The following RASAL2 variants were observed in gnomAD, a reference collection of about 807,000 sequenced individuals.
RASAL2 encodes RAS protein activator like 2.
In RASAL2, 58 loss-of-function variants were observed where a neutral mutation model predicts 128.9. That is an observed-to-expected ratio of 0.45 (90% CI 0.36 to 0.56). The LOEUF (loss-of-function observed/expected upper bound fraction) is 0.56. Among genes scored for constraint, RASAL2 ranks in the 20% least tolerant of loss-of-function variants. The pLI is 0.00. For synonymous variants in RASAL2, 561 were observed against 580.8 expected, an observed-to-expected ratio of 0.97 and a Z score of 0.49; for missense variants, 1,360 against 1,601.6, an observed-to-expected ratio of 0.85 and a Z score of 2.57.
intron 3 of RASAL2, among the ~76,000 whole-genome samples, chr1:178,366,414 T>C (rs56144933): frequency 5.9e-5 from 9 of 152,174 alleles, no homozygotes; most frequent in Non-Finnish European, 1.2e-4. Flanking sequence ...CATTAATCTT[T>C]TCCTATGTGC....
intron 4 of RASAL2, among the ~76,000 whole-genome samples, chr1:178,412,563 G>A (rs1397185): frequency 0.1 from 15,621 of 152,220 alleles, 858 homozygotes; most frequent in Middle Eastern, 0.14. Flanking sequence ...CCCACTCTGT[G>A]CAATCTTAAC....
chr1:178,434,734 C>A (rs1007491346), intron 5 of RASAL2, among the ~76,000 whole-genome samples: 3 of 151,094 alleles, frequency 2.0e-5, no homozygotes, highest in African/African-American at 7.3e-5. Flanking sequence ...AGAGCTCTGG[C>A]GAATGAGCTC....
At chr1:178,342,728 G>A (rs1280406954) in intron 3 of RASAL2, among the ~76,000 whole-genome samples, 1 of 152,120 alleles carries the variant, frequency 6.6e-6, no homozygotes, top group Non-Finnish European at 1.5e-5. Context: ...TTTACTGAAA[G>A]CAAATCGTAT....
intron 5 of RASAL2, among the ~76,000 whole-genome samples, chr1:178,423,154 G>C (rs1675269907): frequency 6.6e-6 from 1 of 152,060 alleles, no homozygotes. Context: ...TTTAACAACT[G>C]AATCTTTGTA....
At chr1:178,225,476 G>C (rs1206638964) in intron 1 of RASAL2, among the ~76,000 whole-genome samples, 5 of 151,550 alleles carry the variant, frequency 3.3e-5, no homozygotes, top group African/African-American at 7.3e-5. Flanking sequence ...TTTCTATCTT[G>C]TCTCTTGGAT....
Position 178,439,234 on chromosome 1 carries a change from A to G in RASAL2, c.675-188A>G, listed in dbSNP as rs1200798128. ...AGTGTGTGTGCACTCACATAGATAT[A>G]TAGAGAGAATATATTTGCCACATAA... is the stretch of plus-strand genomic sequence containing the variant. On this transcript the variant is annotated intron_variant, in intron 5 of 17. Transcript: ENST00000367649. Among the ~76,000 whole-genome samples the G allele has an allele frequency of 2.0e-5, 3 of 152,056 alleles. No individual in the cohort carries two copies. The East Asian group carries it at 5.8e-4, about 29-fold the overall frequency.
chr1:178,248,000 A>G (rs1050252500), intron 1 of RASAL2, among the ~76,000 whole-genome samples: 4 of 152,166 alleles, frequency 2.6e-5, no homozygotes, highest in Admixed American at 2.0e-4. Context: ...TATGTGGTCA[A>G]TTTTAGAATA....
chr1:178,252,826 G>T (rs1048942919), intron 1 of RASAL2, among the ~76,000 whole-genome samples: 1 of 152,086 alleles, frequency 6.6e-6, no homozygotes, highest in African/African-American at 2.4e-5. Flanking sequence ...AATCCAGTTC[G>T]TCAGCAATTC....
At chr1:178,311,902 T>G (rs1328794900) in intron 3 of RASAL2, among the ~76,000 whole-genome samples, 1 of 151,690 alleles carries the variant, frequency 6.6e-6, no homozygotes, top group African/African-American at 2.4e-5. Context: ...ACAGAAAACT[T>G]TAAAAAAATG....
At chr1:178,346,297 A>G (rs1351283763) in intron 3 of RASAL2, among the ~76,000 whole-genome samples, 2 of 151,924 alleles carry the variant, frequency 1.3e-5, no homozygotes, top group Non-Finnish European at 2.9e-5. Flanking sequence ...AGCTACTCAG[A>G]AGGCTGAGGT....
chr1:178,145,082 T>C (rs1660673954), intron 1 of RASAL2, among the ~76,000 whole-genome samples: 1 of 152,328 alleles, frequency 6.6e-6, no homozygotes, highest in East Asian at 1.9e-4. Flanking sequence ...CAAAAAGCTC[T>C]ATGGAAAGTT....
intron 3 of RASAL2, among the ~76,000 whole-genome samples, chr1:178,377,035 T>G (rs1672027537): frequency 6.6e-6 from 1 of 152,188 alleles, no homozygotes; most frequent in Non-Finnish European, 1.5e-5. Context: ...GCGTATACTT[T>G]TTTCCACTTT....
intron 1 of RASAL2, among the ~76,000 whole-genome samples, chr1:178,151,650 C>T (rs931612347): frequency 4.6e-5 from 7 of 152,176 alleles, no homozygotes; most frequent in Admixed American, 2.0e-4. Flanking sequence ...AAATGGCCTC[C>T]AATGATCCAA....
chr1:178,226,770 G>A lies in RASAL2; in HGVS notation c.203-56794G>A, dbSNP rs527616911. ...AAGACCAGCCTGGCCAACATGGCCC[G>A]TCCCTACAAAAATACAAAAACTAGC... On this transcript the variant is annotated intron_variant, in intron 1 of 17. Coordinates refer to ENST00000367649, the MANE Select transcript of RASAL2 (RefSeq NM_170692.4). Among the ~76,000 whole-genome samples, 140 of 152,116 alleles carry A rather than the reference G, an allele frequency of 9.2e-4. 1 individual carries two copies. Among genetic ancestry groups the A allele is most frequent in the African/African-American group, 3.2e-3 (134 of 41,518 alleles).
chr1:178,196,183 A>T (rs1662652530), intron 1 of RASAL2, among the ~76,000 whole-genome samples: 1 of 152,090 alleles, frequency 6.6e-6, no homozygotes, highest in South Asian at 2.1e-4. Flanking sequence ...TCATTAATTT[A>T]AAAAAATAAA....
intron 1 of RASAL2, among the ~76,000 whole-genome samples, chr1:178,238,656 A>T (rs1275783508): frequency 1.3e-5 from 2 of 152,066 alleles, no homozygotes. Flanking sequence ...ATTAGCAATC[A>T]CTATATATAT....
intron 1 of RASAL2, among the ~76,000 whole-genome samples, chr1:178,264,675 A>G (rs1557864258): frequency 6.6e-6 from 1 of 152,180 alleles, no homozygotes; most frequent in African/African-American, 2.4e-5. Flanking sequence ...TTCTGTCCCT[A>G]TGGAGTTTTA....
intron 3 of RASAL2, among the ~76,000 whole-genome samples, chr1:178,334,647 C>CTT (rs1669499954): frequency 6.6e-6 from 1 of 152,128 alleles, no homozygotes; most frequent in Non-Finnish European, 1.5e-5. Flanking sequence ...CCGGCCACAA[C>CTT]TTTTAAAAGA....
At chr1:178,387,123 C>A (rs1299412777) in intron 3 of RASAL2, among the ~76,000 whole-genome samples, 2 of 152,148 alleles carry the variant, frequency 1.3e-5, no homozygotes, top group Non-Finnish European at 2.9e-5. Context: ...AACTGGGATT[C>A]TCCAAAGGCC....
Sources: gnomAD v4.1 joint callset for allele counts (sites outside exome capture counted in the v4.1 genomes callset) on GRCh38, gnomAD v4.1.1 for gene constraint, MANE v1.5 for transcripts, NCBI Gene and HGNC (gene_info 2026-07-23, HGNC 2026-07-21) for gene names.